The following TOX2 variants were observed in gnomAD, a reference collection of about 807,000 sequenced individuals.
TOX2 encodes the protein granulosa cell HMG box 1.
Under a neutral mutation model 47.4 loss-of-function variants are expected in TOX2, and 15 were observed. That is an observed-to-expected ratio of 0.32 (90% CI 0.21 to 0.49). TOX2 has a LOEUF of 0.49. TOX2 is among the 20% of genes least tolerant of loss of function. The probability of loss-of-function intolerance (pLI) is 0.99; values close to 1 mark genes in which losing one functional copy is unlikely to be tolerated. For synonymous variants in TOX2, 290 were observed against 296.6 expected (o/e 0.98, Z 0.23); for missense variants, 622 against 673.1 (o/e 0.92, Z 0.84).
At chr20:44,025,354 G>A (rs573046729) in intron 3 of TOX2, among the ~76,000 whole-genome samples, 4 of 150,532 alleles carry the variant, frequency 2.7e-5, no homozygotes, top group South Asian at 4.2e-4. Context: ...TCCATTCGTC[G>A]TTGGCCAGAG....
Position 43,929,850 on chromosome 20 carries a change from C to T in TOX2, c.99+14860C>T, listed in dbSNP as rs113672403. Among the ~76,000 whole-genome samples, 281 of 152,272 alleles carry T rather than the reference C, an allele frequency of 1.8e-3. 3 individuals carry two copies. The highest frequency in any genetic ancestry group is 6.3e-3 in the African/African-American group (262 of 41,550). On this transcript the variant is annotated intron_variant, in intron 1 of 8. Coordinates refer to ENST00000341197, the MANE Select transcript of TOX2 (RefSeq NM_001098797.2). The stretch of plus-strand genomic sequence containing the variant: ...TCAGCCTCCCGAGTAGCTGGGATTA[C>T]AGGAACACACCACCATGCCCGGCTA...
intron 5 of TOX2, among the ~76,000 whole-genome samples, chr20:44,057,558 CAAAT>C (rs2071643108): frequency 6.6e-6 from 1 of 151,368 alleles, no homozygotes; most frequent in South Asian, 2.1e-4. Flanking sequence ...AAAGTTCTTT[CAAAT>C]CATCAAAGAG....
At chr20:44,033,530 T>G (rs2071188856) in intron 3 of TOX2, among the ~76,000 whole-genome samples, 2 of 152,088 alleles carry the variant, frequency 1.3e-5, no homozygotes, top group Admixed American at 1.3e-4. Context: ...TTTATTTGTG[T>G]GAGCTCAATG....
intron 1 of TOX2, among the ~76,000 whole-genome samples, chr20:43,948,474 G>A (rs988036700): frequency 6.6e-6 from 1 of 152,176 alleles, no homozygotes. Flanking sequence ...CTCGGCCGGC[G>A]GCATCCCTGA....
intron 1 of TOX2, among the ~76,000 whole-genome samples, chr20:43,958,393 C>T (rs2145418103): frequency 6.6e-6 from 1 of 152,308 alleles, no homozygotes; most frequent in East Asian, 1.9e-4. Flanking sequence ...CTAGACACCC[C>T]TTCTTCCCCT....
chr20:43,992,608 A>G (rs2070388784), intron 2 of TOX2, among the ~76,000 whole-genome samples: 1 of 152,118 alleles, frequency 6.6e-6, no homozygotes, highest in African/African-American at 2.4e-5. Flanking sequence ...TCTTAGTAAT[A>G]CCAGCATGGA....
At chr20:44,008,122 T>C (rs1600730897) in intron 3 of TOX2, among the ~76,000 whole-genome samples, 2 of 152,092 alleles carry the variant, frequency 1.3e-5, no homozygotes, top group East Asian at 3.9e-4. Context: ...CGTGCCATGC[T>C]TGGGAATAGC....
intron 4 of TOX2, among the ~76,000 whole-genome samples, chr20:44,053,530 TAC>T (rs1320134993): frequency 2.2e-5 from 1 of 45,606 alleles, no homozygotes; most frequent in African/African-American, 5.1e-5. Flanking sequence ...CACATATATA[TAC>T]ATATATACTA....
chr20:43,940,960 C>T (rs2069395464), intron 1 of TOX2, among the ~76,000 whole-genome samples: 2 of 152,172 alleles, frequency 1.3e-5, no homozygotes, highest in African/African-American at 4.8e-5. Context: ...GCTTACCTGG[C>T]GATGAAGCAG....
chr20:43,930,516 G>T (rs569646022), intron 1 of TOX2, among the ~76,000 whole-genome samples: 1 of 152,304 alleles, frequency 6.6e-6, no homozygotes, highest in East Asian at 1.9e-4. Flanking sequence ...TTGGGGCAAG[G>T]CTGGCAGATG....
chr20:43,996,209 C>T (rs1244001476), intron 2 of TOX2, among the ~76,000 whole-genome samples: 1 of 152,156 alleles, frequency 6.6e-6, no homozygotes, highest in Non-Finnish European at 1.5e-5. Context: ...GCTATTCTGA[C>T]TGGTGTGAGA....
intron 1 of TOX2, among the ~76,000 whole-genome samples, chr20:43,931,132 C>T (rs143093524): frequency 1.1e-4 from 16 of 152,274 alleles, no homozygotes; most frequent in African/African-American, 3.4e-4. Context: ...CCTACACATA[C>T]ATCTTTTATG....
chr20:43,936,439 A>G (rs2069327952), intron 1 of TOX2, among the ~76,000 whole-genome samples: 1 of 152,254 alleles, frequency 6.6e-6, no homozygotes. Flanking sequence ...TAAGCTCATG[A>G]TTCCATGGGT....
chr20:43,976,851 A>G (rs2145489119), intron 2 of TOX2, among the ~76,000 whole-genome samples: 1 of 152,282 alleles, frequency 6.6e-6, no homozygotes, highest in Non-Finnish European at 1.5e-5. Flanking sequence ...TGTCTCATCA[A>G]CTGCAAGAAT....
At chr20:44,062,927 G>C (rs535046636) in intron 5 of TOX2, among the ~76,000 whole-genome samples, 4 of 152,256 alleles carry the variant, frequency 2.6e-5, no homozygotes, top group Admixed American at 6.5e-5. Flanking sequence ...TTGGATAATT[G>C]GCAAGCCACA....
intron 2 of TOX2, among the ~76,000 whole-genome samples, chr20:43,988,627 G>T (rs2070313784): frequency 6.6e-6 from 1 of 152,182 alleles, no homozygotes; most frequent in Non-Finnish European, 1.5e-5. Context: ...TTTCCTCCTA[G>T]ACTGTGGGTT....
chr20:44,065,627 G>T, intron 6 of TOX2, 85 bp from the exon 7 acceptor site: 1 of 1,471,662 alleles, frequency 6.8e-7, no homozygotes, highest in Non-Finnish European at 9.2e-7. Context: ...CGTGTCAGTG[G>T]GTTGCAGAGC....
At chr20:44,033,800 G>A (rs1202656745) in intron 3 of TOX2, among the ~76,000 whole-genome samples, 2 of 152,184 alleles carry the variant, frequency 1.3e-5, no homozygotes, top group African/African-American at 4.8e-5. Flanking sequence ...ACTTCCAGGA[G>A]GTGCATGTGC....
At chr20:44,068,411 T>C (rs1194749294) in intron 8 of TOX2, among the ~76,000 whole-genome samples, 1 of 151,632 alleles carries the variant, frequency 6.6e-6, no homozygotes, top group Non-Finnish European at 1.5e-5. Context: ...GACACGCTAC[T>C]GCCCTTTCAC....
Sources: allele counts gnomAD v4.1 joint callset (sites outside exome capture counted in the v4.1 genomes callset), GRCh38; gene constraint gnomAD v4.1.1; transcripts MANE v1.5; gene names NCBI Gene and HGNC (gene_info 2026-07-23, HGNC 2026-07-21).